Variants in MSL3B observed in about 807,000 individuals in gnomAD.
MSL3B encodes MSL complex subunit 3B.
the MSL3B span, among the ~76,000 whole-genome samples, chr2:233,867,638 G>T: frequency 5.3e-5 from 8 of 149,592 alleles, no homozygotes; most frequent in African/African-American, 9.9e-5. Flanking sequence ...ACCATGTCCT[G>T]CTAATTGTTT....
chr2:233,866,137 G>T, the MSL3B span: 1 of 598,726 alleles, frequency 1.7e-6, no homozygotes, highest in Non-Finnish European at 3.3e-6. Context: ...AACACTTATT[G>T]ACTGCCTGGG....
the MSL3B span, chr2:233,866,049 A>C: frequency 2.4e-6 from 1 of 412,362 alleles, no homozygotes; most frequent in Non-Finnish European, 4.7e-6. Context: ...TCTGGATAAA[A>C]ACCCACCACC....
chr2:233,867,437 T>C, the MSL3B span: 2 of 451,748 alleles, frequency 4.4e-6, no homozygotes, highest in South Asian at 2.4e-5. Context: ...ACAGCATTTC[T>C]TGCCAATTTA....
the MSL3B span, chr2:233,868,186 G>A: frequency 3.5e-4 from 157 of 452,238 alleles, no homozygotes; most frequent in African/African-American, 3.0e-3. Flanking sequence ...GCTATTCTGG[G>A]ATCTTTCTGC....
chr2:233,868,143 C>A, the MSL3B span: 5 of 389,304 alleles, frequency 1.3e-5, no homozygotes, highest in Non-Finnish European at 2.6e-5. Context: ...ACCCATCTAT[C>A]CCAGCTTCAG....
At chr2:233,866,235 CAA>C in the MSL3B span, 5 of 697,092 alleles carry the variant, frequency 7.2e-6, no homozygotes, top group East Asian at 9.3e-5. Flanking sequence ...AAAAACCTCA[CAA>C]AGAGATCAAA....
chr2:233,867,831 C>T, the MSL3B span, among the ~76,000 whole-genome samples: 5 of 146,530 alleles, frequency 3.4e-5, no homozygotes, highest in Non-Finnish European at 7.5e-5. Flanking sequence ...CTCACCCTGC[C>T]GCCCAGGCTA....
the MSL3B span, among the ~76,000 whole-genome samples, chr2:233,865,080 T>G: frequency 6.6e-6 from 1 of 152,218 alleles, no homozygotes; most frequent in Non-Finnish European, 1.5e-5. Flanking sequence ...CTGTGGGCTT[T>G]CTATTAGGAT....
the MSL3B span, chr2:233,867,403 T>C: frequency 1.9e-6 from 1 of 522,186 alleles, no homozygotes; most frequent in South Asian, 2.1e-5. Flanking sequence ...GCTGCTTCTT[T>C]CTCTCTTGCT....
the MSL3B span, chr2:233,865,766 A>T: frequency 6.0e-6 from 1 of 166,774 alleles, no homozygotes; most frequent in Non-Finnish European, 1.3e-5. Flanking sequence ...ATTTTGTTTA[A>T]TGCTAACAAA....
At chr2:233,868,135 C>T in the MSL3B span, 1 of 364,158 alleles carries the variant, frequency 2.7e-6, no homozygotes, top group South Asian at 2.5e-5. Flanking sequence ...CTTCGGCTAC[C>T]CATCTATCCC....
At chr2:233,868,301 G>T in the MSL3B span, 1 of 250,386 alleles carries the variant, frequency 4.0e-6, no homozygotes, top group South Asian at 5.5e-5. Flanking sequence ...CGGCAGGGGA[G>T]ATTTAACGCG....
At chr2:233,867,520 G>C in the MSL3B span, 2 of 302,780 alleles carry the variant, frequency 6.6e-6, no homozygotes, top group African/African-American at 2.3e-5. Flanking sequence ...TTGTTGCCCA[G>C]GATGGAGTGC....
At chr2:233,866,325 G>A in the MSL3B span, 7 of 802,678 alleles carry the variant, frequency 8.7e-6, no homozygotes, top group Non-Finnish European at 1.6e-5. Context: ...ACAAACAATC[G>A]CAGCAAATGT....
the MSL3B span, among the ~76,000 whole-genome samples, chr2:233,864,704 ATT>A: frequency 1.3e-5 from 2 of 152,220 alleles, no homozygotes; most frequent in Non-Finnish European, 2.9e-5. Flanking sequence ...TATCTAAAAT[ATT>A]GTCAGTTCGA....
chr2:233,864,852 CT>C, the MSL3B span, among the ~76,000 whole-genome samples: 1 of 152,178 alleles, frequency 6.6e-6, no homozygotes, highest in South Asian at 2.1e-4. Context: ...AGCTCTTAGC[CT>C]TGTGACATAC....
chr2:233,867,559 T>A, the MSL3B span: 3 of 231,362 alleles, frequency 1.3e-5, no homozygotes, highest in Non-Finnish European at 2.5e-5. Context: ...CACTGCAACC[T>A]CCGCCTCCCG....
chr2:233,868,251 C>T, the MSL3B span: 2 of 377,248 alleles, frequency 5.3e-6, no homozygotes, highest in African/African-American at 2.1e-5. Flanking sequence ...CGGCGTCCGA[C>T]GGGAGCGTCC....
At chr2:233,867,890 A>G in the MSL3B span, among the ~76,000 whole-genome samples, 2 of 147,874 alleles carry the variant, frequency 1.4e-5, no homozygotes, top group African/African-American at 2.5e-5. Flanking sequence ...TCCCGGGTTG[A>G]AACGATTCTC....
Sources: gnomAD v4.1 joint callset for allele counts (sites outside exome capture counted in the v4.1 genomes callset) on GRCh38, gnomAD v4.1.1 for gene constraint, MANE v1.5 for transcripts, NCBI Gene and HGNC (gene_info 2026-07-23, HGNC 2026-07-21) for gene names.